MTSS2: variants seen among roughly 807,000 people sequenced by gnomAD.
MTSS2 encodes the protein MTSS I-BAR domain containing 2.
Under a neutral mutation model 67.1 loss-of-function variants are expected in MTSS2, and 27 were observed. That is an observed-to-expected ratio of 0.40 (90% CI 0.30 to 0.55). MTSS2 has a LOEUF of 0.55. MTSS2 is among the 20% of genes least tolerant of loss of function. MTSS2 has a pLI of 0.43. For missense variants in MTSS2, 1,171 were observed against 1,067.8 expected (o/e 1.10, Z -1.35); for synonymous variants, 624 against 468.6 (o/e 1.33, Z -4.28).
At chr16:70,685,489 A>G (rs1188957499) in intron 1 of MTSS2, among the ~76,000 whole-genome samples, 1 of 151,368 alleles carries the variant, frequency 6.6e-6, no homozygotes, top group Non-Finnish European at 1.5e-5. Flanking sequence ...TCGGGTCAGG[A>G]CCCCACGGGG....
chr16:70,663,738 C>T lies in MTSS2; in HGVS notation c.2183G>A (p.Arg728Gln), dbSNP rs776825745. 1.3e-5 allele frequency: 20 copies of T among 1,575,766 alleles called. No individual in the cohort carries two copies. The highest frequency in any genetic ancestry group is 3.5e-5 in the South Asian group (3 of 86,550). The change falls in exon 15 of 15, where the codon CGG becomes CAG. Residue 728 changes from arginine to glutamine, a missense_variant. Arg to Gln is a conservative substitution (Grantham distance 43). Coordinates refer to ENST00000338779, the MANE Select transcript of MTSS2 (RefSeq NM_138383.3). ...GGTCCTGCGGAGCCGGACCCCACGC[C>T]GGATGGCCACCAGCATGTCTTCGGC... ...PPAEDMLVAI[R>Q]RGVRLRRTVT...
chr16:70,674,288 C>A lies in MTSS2; in HGVS notation c.1053+18G>T, dbSNP rs1228570794. The A allele has an allele frequency of 5.0e-6, 8 of 1,608,384 alleles. No individual in the cohort carries two copies. The highest frequency in any genetic ancestry group is 6.8e-6 in the Non-Finnish European group (8 of 1,177,330). On this transcript the variant is annotated intron_variant, in intron 11 of 14. Coordinates refer to ENST00000338779, the MANE Select transcript of MTSS2 (RefSeq NM_138383.3). ...CTGCTGCACCCCACCCTGACTGATC[C>A]TCCTAACGCCCCCTCACCTGGCTGG...
chr16:70,664,811 C>T, intron 13 of MTSS2, 48 bp from the exon 14 acceptor site: 1 of 1,550,962 alleles, frequency 6.4e-7, no homozygotes, highest in Non-Finnish European at 8.7e-7. Context: ...CCAATCCCCT[C>T]TGCCCAAATT....
In MTSS2 at chr16:70,664,686, C is replaced by T. The variant is rs1441650286; in HGVS notation, c.1383G>A (p.Lys461=). The change falls in exon 14 of 15, where the codon AAG becomes AAA. Residue 461 remains lysine (K), a synonymous_variant. Coordinates refer to ENST00000338779, the MANE Select transcript of MTSS2 (RefSeq NM_138383.3). ...AGTACTGCAGCGAGTCCCGGCTGCT[C>T]TTCTGGTGCTCCAGGCTCAGGCCCC... ...LTRGLSLEHQ[K]SSRDSLQYSS... 2.5e-6 allele frequency: 4 copies of T among 1,613,304 alleles called. No individual in the cohort carries two copies. Among genetic ancestry groups the T allele is most frequent in the South Asian group, 2.2e-5 (2 of 91,026 alleles).
At chr16:70,677,033 G>A (rs2053138846) in intron 9 of MTSS2, 55 bp from the exon 10 acceptor site, 1 of 1,358,764 alleles carries the variant, frequency 7.4e-7, no homozygotes. Context: ...AGCTAGTAGG[G>A]CCAGAGGCCC....
At chr16:70,680,767 C>G (rs1037666154) in intron 3 of MTSS2, 27 bp downstream of exon 3, 1 of 1,549,252 alleles carries the variant, frequency 6.5e-7, no homozygotes, top group African/African-American at 1.4e-5. Flanking sequence ...TGGGGCAACC[C>G]CAACCTCCAG....
intron 1 of MTSS2, among the ~76,000 whole-genome samples, chr16:70,682,060 T>A (rs1245539589): frequency 6.6e-6 from 1 of 152,186 alleles, no homozygotes; most frequent in African/African-American, 2.4e-5. Context: ...TCTGCCTGGC[T>A]GCAACCCAGG....
rs760272226 is a variant in MTSS2, at chr16:70,685,736, A to G, written c.56T>C (p.Val19Ala). 3 of 1,383,566 alleles carry G rather than the reference A, an allele frequency of 2.2e-6. No individual in the cohort carries two copies. In the East Asian group the frequency reaches 1.2e-4, roughly 53 times the overall value. The allele number at this position is 1,383,566 out of a possible 1,614,324, so 85.7% of individuals were successfully genotyped here. ...CGCCCCGGTTACCTTCATGTCGTTGACTATGGCCTGGAAGAGCCCGCCCAG... is the reference window on the plus strand; with the variant it reads ...CGCCCCGGTTACCTTCATGTCGTTGGCTATGGCCTGGAAGAGCCCGCCCAG... The part of the protein sequence containing the change: ...GALGGLFQAI[V>A]NDMKSSYPIW... The change falls in exon 1 of 15, where the codon GTC (valine) becomes GCC (alanine). Residue 19 changes from valine (V) to alanine (A), a missense_variant. Physicochemically the swap from Val to Ala is moderately conservative, Grantham distance 64 (BLOSUM62 0). Around this residue, in one of 2 missense-constraint regions of MTSS2, gnomAD observed 247 missense variants for 311.8 expected, o/e 0.79. Coordinates refer to ENST00000338779, the MANE Select transcript of MTSS2 (RefSeq NM_138383.3).
intron 9 of MTSS2, among the ~76,000 whole-genome samples, chr16:70,677,227 A>T (rs536898922): frequency 6.6e-6 from 1 of 152,168 alleles, no homozygotes; most frequent in Non-Finnish European, 1.5e-5. Flanking sequence ...GGCGAGAGTG[A>T]CCCTGACACC....
At chr16:70,682,597 T>C (rs371337477) in intron 1 of MTSS2, among the ~76,000 whole-genome samples, 17 of 151,816 alleles carry the variant, frequency 1.1e-4, no homozygotes, top group African/African-American at 4.1e-4. Flanking sequence ...GGCCAGGCCA[T>C]TTCCCCTCAG....
chr16:70,664,893 C>A lies in MTSS2; in HGVS notation c.1305+27G>T, dbSNP rs528853290. 3.3e-6 allele frequency: 5 copies of A among 1,525,942 alleles called. No homozygotes were observed. The East Asian group carries it at 9.7e-5, about 30-fold the overall frequency. The allele number at this position is 1,525,942 out of a possible 1,614,324, so 94.5% of individuals were successfully genotyped here. On this transcript the variant is annotated intron_variant, in intron 13 of 14. Transcript: ENST00000338779. ...CTGGGCCTCCTGGGACTGACCTGGGCGTGAAGGGGGGCCCTGGCCAGCCTA... is the reference window on the plus strand; with the variant it reads ...CTGGGCCTCCTGGGACTGACCTGGGAGTGAAGGGGGGCCCTGGCCAGCCTA...
At position 70,674,280 on chromosome 16, in the gene MTSS2, G is replaced by A. The variant is rs373453435; in HGVS notation, c.1053+26C>T. 1,727 of 1,604,148 alleles carry A rather than the reference G, an allele frequency of 1.1e-3. 2 individuals carry two copies. The highest frequency in any genetic ancestry group is 1.8e-3 in the Admixed American group (105 of 59,246). ...GCATAAGGCTGCTGCACCCCACCCT[G>A]ACTGATCCTCCTAACGCCCCCTCAC... On this transcript the variant is annotated intron_variant, in intron 11 of 14. Coordinates refer to ENST00000338779, the MANE Select transcript of MTSS2 (RefSeq NM_138383.3).
chr16:70,663,772 C>A lies in MTSS2; in HGVS notation c.2149G>T (p.Asp717Tyr). 2 of 1,344,644 alleles carry A rather than the reference C, an allele frequency of 1.5e-6. No homozygotes were observed. The highest frequency in any genetic ancestry group is 9.8e-7 in the Non-Finnish European group (1 of 1,016,526). The allele number at this position is 1,344,644 out of a possible 1,614,324, so 83.3% of individuals were successfully genotyped here. Residue 717 changes from aspartate to tyrosine, a missense_variant, in exon 15 of 15, where the codon GAC becomes TAC. Asp to Tyr is a radical substitution (Grantham distance 160, BLOSUM62 -3). Around this residue, in one of 2 missense-constraint regions of MTSS2, gnomAD observed 924 missense variants for 756.0 expected, o/e 1.22. Transcript: ENST00000338779. ...TPTPPPAATS[D>Y]PPAEDMLVAI... ...ACCAGCATGTCTTCGGCCGGGGGGT[C>A]GCTGGTGGCGGCTGGGGGTGGGGTG...
At position 70,676,976 on chromosome 16, in the gene MTSS2, T is replaced by C. The variant is rs1367486732; in HGVS notation, c.735A>G (p.Val245=). 1.2e-6 allele frequency: 2 copies of C among 1,613,144 alleles called. No homozygotes were observed. The highest frequency in any genetic ancestry group is 1.7e-5 in the Admixed American group (1 of 59,988). The change falls in exon 10 of 15, where the codon GTA becomes GTG. Residue 245 remains valine, a splice_region_variant and synonymous_variant. Coordinates refer to ENST00000338779, the MANE Select transcript of MTSS2 (RefSeq NM_138383.3). ...PHKLPPASEQ[V]IKDLKGSDYS... ...AGTCCGAGCCCTTTAGGTCTTTGAT[T>C]ACCTGGACAGGGACATGGATGGGGG...
chr16:70,665,003 C>G lies in MTSS2; in HGVS notation c.1222G>C (p.Gly408Arg). ...RVELLRDTEP[G>R]PASGGTLGPS... ...CCCAGGGTGCCCCCACTGGCAGGGC[C>G]TGGCTCTGTGTCTCGCAGGAGCTCC... Residue 408 changes from glycine to arginine, a missense_variant, in exon 13 of 15, where the codon GGC (glycine) becomes CGC (arginine). Around this residue, in one of 2 missense-constraint regions of MTSS2, gnomAD observed 924 missense variants for 756.0 expected, o/e 1.22. Coordinates refer to ENST00000338779, the MANE Select transcript of MTSS2 (RefSeq NM_138383.3). The G allele has an allele frequency of 1.3e-6, 2 of 1,593,580 alleles. No individual in the cohort carries two copies. The highest frequency in any genetic ancestry group is 1.7e-6 in the Non-Finnish European group (2 of 1,178,040).
chr16:70,665,834 G>A (rs1040166133), intron 11 of MTSS2: 5 of 289,916 alleles, frequency 1.7e-5, no homozygotes, highest in African/African-American at 4.3e-5. Flanking sequence ...GGCCACCGAG[G>A]GGAAAAAGAG....
chr16:70,682,373 C>T (rs762221134), intron 1 of MTSS2, among the ~76,000 whole-genome samples: 6 of 152,136 alleles, frequency 3.9e-5, no homozygotes, highest in Admixed American at 6.5e-5. Flanking sequence ...TAAAAGGGGG[C>T]GCTCTCCCAC....
At chr16:70,674,635 G>A (rs1310536795) in intron 10 of MTSS2, 107 bp from the exon 11 acceptor site, 6 of 928,266 alleles carry the variant, frequency 6.5e-6, no homozygotes, top group Non-Finnish European at 9.8e-6. Context: ...AGGGGCAAAG[G>A]AAGGAAAAGA....
intron 13 of MTSS2, 75 bp from the exon 14 acceptor site, chr16:70,664,838 G>A (rs748243704): frequency 1.3e-6 from 2 of 1,522,464 alleles, no homozygotes; most frequent in East Asian, 2.4e-5. Flanking sequence ...AGCCCTGCCA[G>A]GTGGTTGGAG....
Sources: gnomAD v4.1 joint callset for allele counts (sites outside exome capture counted in the v4.1 genomes callset) on GRCh38, gnomAD v4.1.1 for gene constraint, gnomAD v4.1.1 regional missense constraint, MANE v1.5 for transcripts, NCBI Gene and HGNC (gene_info 2026-07-23, HGNC 2026-07-21) for gene names.